Variants in LRBA observed in about 807,000 individuals in gnomAD.
LRBA encodes LPS responsive beige-like anchor protein.
In LRBA, 176 loss-of-function variants were observed where a neutral mutation model predicts 330.0. That is an observed-to-expected ratio of 0.53 (90% CI 0.47 to 0.60). The LOEUF (loss-of-function observed/expected upper bound fraction) is 0.60. LRBA is among the 20% of genes least tolerant of loss of function. The pLI is 0.00. For synonymous variants in LRBA, 1,230 were observed against 1,193.0 expected, an observed-to-expected ratio of 1.03 and a Z score of -0.64; for missense variants, 3,259 against 3,444.8, an observed-to-expected ratio of 0.95 and a Z score of 1.35.
intron 48 of LRBA, among the ~76,000 whole-genome samples, chr4:150,338,733 G>A (rs1370706042): frequency 2.0e-5 from 3 of 152,090 alleles, no homozygotes; most frequent in African/African-American, 7.2e-5. Flanking sequence ...ATTAGGAAAG[G>A]ACAATGAGTT....
chr4:150,664,122 G>A (rs1190490252), intron 37 of LRBA, among the ~76,000 whole-genome samples: 3 of 152,188 alleles, frequency 2.0e-5, no homozygotes, highest in Non-Finnish European at 4.4e-5. Context: ...GTTTTTCAAT[G>A]AAGTGGTTTT....
At chr4:150,465,740 T>C (rs1755368768) in intron 44 of LRBA, among the ~76,000 whole-genome samples, 1 of 152,114 alleles carries the variant, frequency 6.6e-6, no homozygotes, top group Non-Finnish European at 1.5e-5. Context: ...ATTAATCCCT[T>C]ATTAGACATG....
At chr4:150,549,505 G>A (rs940025591) in intron 40 of LRBA, among the ~76,000 whole-genome samples, 2 of 151,718 alleles carry the variant, frequency 1.3e-5, no homozygotes, top group African/African-American at 4.8e-5. Context: ...CTAATTTTTT[G>A]TATTTTTAGT....
intron 40 of LRBA, among the ~76,000 whole-genome samples, chr4:150,551,154 C>G (rs1307740541): frequency 6.6e-6 from 1 of 152,120 alleles, no homozygotes; most frequent in African/African-American, 2.4e-5. Context: ...CACATGCTCA[C>G]TTGGTCTTCT....
chr4:150,272,311 C>T (rs544785049), intron 56 of LRBA, among the ~76,000 whole-genome samples: 2 of 152,166 alleles, frequency 1.3e-5, no homozygotes, highest in South Asian at 4.2e-4. Context: ...GAAAACCCAT[C>T]CAAAGGTCAC....
At chr4:150,437,259 A>C (rs1198339636) in intron 44 of LRBA, among the ~76,000 whole-genome samples, 1 of 152,040 alleles carries the variant, frequency 6.6e-6, no homozygotes, top group Non-Finnish European at 1.5e-5. Flanking sequence ...AAGCTGAAGG[A>C]CTGACTTATA....
rs1745236165 is a variant in LRBA at position 151,014,677 on chromosome 4, C to A, written c.-35G>T. The A allele has an allele frequency of 1.4e-6, 2 of 1,455,812 alleles. No individual in the cohort carries two copies. Among genetic ancestry groups the A allele is most frequent in the South Asian group, 2.5e-5 (2 of 81,584 alleles). 90.2% of individuals were successfully genotyped at this position (1,455,812 alleles called of 1,614,324 possible). On this transcript the variant is annotated 5_prime_UTR_variant, in exon 2 of 57. Transcript: ENST00000651943. ...ACGATAAAGGACAACTCAGAGTCAC[C>A]CTGGGACGGCAGTCGCTGCACTGGT...
Position 150,966,606 on chromosome 4 carries a change from G to A in LRBA, c.217-37541C>T, listed in dbSNP as rs764606176. ...CTCCCAGAGTGCTGGGATTACAGGCGTGAGCCACCGCGCCCGGCCGCTAGT... is the reference window on the plus strand; with the variant it reads ...CTCCCAGAGTGCTGGGATTACAGGCATGAGCCACCGCGCCCGGCCGCTAGT... On this transcript the variant is annotated intron_variant, in intron 2 of 56. Transcript: ENST00000651943. 3.3e-5 allele frequency among the ~76,000 whole-genome samples: 5 copies of A among 151,804 alleles called. No individual in the cohort carries two copies. In the South Asian group the frequency reaches 6.2e-4, roughly 19 times the overall value.
chr4:150,622,272 A>G (rs1011729381), intron 37 of LRBA, among the ~76,000 whole-genome samples: 2 of 145,918 alleles, frequency 1.4e-5, no homozygotes, highest in African/African-American at 4.9e-5. Context: ...TCTAAAAGAC[A>G]GATCATGTGT....
rs755740059 is a variant in LRBA at position 150,350,049 on chromosome 4, G to A, written c.7305C>T (p.Tyr2435=). 1 of 1,613,824 alleles carries A rather than the reference G, an allele frequency of 6.2e-7. No individual in the cohort carries two copies. The highest frequency in any genetic ancestry group is 1.7e-5 in the Admixed American group (1 of 60,014). The change falls in exon 48 of 57, where the codon TAC becomes TAT. Residue 2435 remains tyrosine (Y), a synonymous_variant. Coordinates refer to ENST00000651943, the MANE Select transcript of LRBA (RefSeq NM_001364905.1). ...GATTGACAGCTCCTTCATAGGTCAA[G>A]TAATAGAACACATTGAGGGCTCGGA... ...EAVRALNVFY[Y]LTYEGAVNLN...
chr4:150,434,204 A>G (rs905792499), intron 46 of LRBA, among the ~76,000 whole-genome samples: 1 of 152,086 alleles, frequency 6.6e-6, no homozygotes, highest in Non-Finnish European at 1.5e-5. Flanking sequence ...GAACTTCAAA[A>G]CCATAGGGAT....
At chr4:150,284,159 G>A (rs1030978672) in intron 54 of LRBA, among the ~76,000 whole-genome samples, 5 of 152,218 alleles carry the variant, frequency 3.3e-5, no homozygotes, top group Admixed American at 3.3e-4. Flanking sequence ...GGAAGGGAAT[G>A]AAGGAACTTA....
At chr4:150,557,456 T>G (rs756737005) in intron 40 of LRBA, among the ~76,000 whole-genome samples, 23 of 152,026 alleles carry the variant, frequency 1.5e-4, no homozygotes, top group South Asian at 4.1e-4. Flanking sequence ...GCGGACTCCA[T>G]ATTTCATTCA....
intron 37 of LRBA, among the ~76,000 whole-genome samples, chr4:150,656,501 G>A (rs1041256032): frequency 4.6e-5 from 7 of 152,164 alleles, no homozygotes; most frequent in Non-Finnish European, 1.0e-4. Context: ...CACAGTTGGC[G>A]TAAACTGTCT....
chr4:150,586,600 A>T (rs920065889), intron 40 of LRBA, among the ~76,000 whole-genome samples: 1 of 152,164 alleles, frequency 6.6e-6, no homozygotes, highest in Non-Finnish European at 1.5e-5. Flanking sequence ...CATTGAGCCA[A>T]AAGATCTCCA....
intron 34 of LRBA, among the ~76,000 whole-genome samples, chr4:150,767,936 C>T (rs540937675): frequency 2.0e-5 from 3 of 149,772 alleles, no homozygotes; most frequent in South Asian, 2.1e-4. Flanking sequence ...TGGTGGTGCA[C>T]GCCTGTAATC....
At chr4:150,717,478 C>A (rs1479396313) in intron 36 of LRBA, among the ~76,000 whole-genome samples, 1 of 151,396 alleles carries the variant, frequency 6.6e-6, no homozygotes, top group Non-Finnish European at 1.5e-5. Context: ...GGCAATATGA[C>A]AAAACCGATC....
chr4:150,846,575 T>C (rs1749876532), intron 26 of LRBA, among the ~76,000 whole-genome samples: 1 of 149,792 alleles, frequency 6.7e-6, no homozygotes, highest in Non-Finnish European at 1.5e-5. Flanking sequence ...CTCAGAAGGA[T>C]GAGGGGGTGA....
At chr4:150,552,832 G>C (rs1413334111) in intron 40 of LRBA, among the ~76,000 whole-genome samples, 1 of 152,086 alleles carries the variant, frequency 6.6e-6, no homozygotes, top group Admixed American at 6.5e-5. Flanking sequence ...CACTTTGGGA[G>C]GCTGAGGCGG....
Sources: allele counts gnomAD v4.1 joint callset (sites outside exome capture counted in the v4.1 genomes callset), GRCh38; gene constraint gnomAD v4.1.1; transcripts MANE v1.5; gene names NCBI Gene and HGNC (gene_info 2026-07-23, HGNC 2026-07-21).